Variants in MEI4 observed in about 807,000 individuals in gnomAD.
MEI4 encodes the protein meiotic double-stranded break formation protein 4.
MEI4 carries 27 observed loss-of-function variants against 31.4 expected under a neutral mutation model. That is an observed-to-expected ratio of 0.86 (90% CI 0.63 to 1.19). The LOEUF is 1.19. MEI4 is among the 50% of genes most tolerant of loss of function. MEI4 has a pLI of 0.00. For missense variants in MEI4, 329 were observed against 398.9 expected (o/e 0.82, Z 1.49); for synonymous variants, 122 against 145.4 (o/e 0.84, Z 1.16).
intron 2 of MEI4, among the ~76,000 whole-genome samples, chr6:77,695,480 A>G (rs1217354922): frequency 1.3e-5 from 2 of 152,166 alleles, no homozygotes; most frequent in Non-Finnish European, 2.9e-5. Context: ...CTTTCTACAT[A>G]TGGCTAGCCA....
chr6:77,890,927 T>C (rs112944665), intron 4 of MEI4, among the ~76,000 whole-genome samples: 125 of 152,344 alleles, frequency 8.2e-4, no homozygotes, highest in African/African-American at 2.9e-3. Context: ...ACCATGATTG[T>C]AAGTTTTCTG....
At chr6:77,857,018 T>C (rs1431773874) in intron 4 of MEI4, among the ~76,000 whole-genome samples, 2 of 152,252 alleles carry the variant, frequency 1.3e-5, no homozygotes, top group African/African-American at 4.8e-5. Flanking sequence ...TTTGTATGTC[T>C]GTGTGTATTC....
At chr6:77,658,417 A>C (rs1768439099) in intron 1 of MEI4, among the ~76,000 whole-genome samples, 1 of 152,296 alleles carries the variant, frequency 6.6e-6, no homozygotes, top group Middle Eastern at 3.4e-3. Flanking sequence ...TATACGTGCA[A>C]GTCACAGGGG....
intron 4 of MEI4, among the ~76,000 whole-genome samples, chr6:77,859,096 C>A (rs1265827980): frequency 6.6e-6 from 1 of 152,070 alleles, no homozygotes; most frequent in African/African-American, 2.4e-5. Flanking sequence ...TTGTTCAAGT[C>A]CCACTTAGAG....
chr6:77,733,218 G>C (rs1315064033), intron 2 of MEI4, among the ~76,000 whole-genome samples: 1 of 151,894 alleles, frequency 6.6e-6, no homozygotes, highest in Non-Finnish European at 1.5e-5. Context: ...GCTCCTCCTA[G>C]TACCTCTGGT....
At chr6:77,754,654 A>T (rs574632312) in intron 2 of MEI4, among the ~76,000 whole-genome samples, 2 of 152,206 alleles carry the variant, frequency 1.3e-5, no homozygotes, top group African/African-American at 4.8e-5. Flanking sequence ...TCACTCTGCT[A>T]TAAAGAACTT....
intron 4 of MEI4, among the ~76,000 whole-genome samples, chr6:77,864,064 A>C (rs928139223): frequency 6.6e-6 from 1 of 152,052 alleles, no homozygotes; most frequent in Non-Finnish European, 1.5e-5. Flanking sequence ...CTGCCCTAAA[A>C]GAGCTCCTGA....
At chr6:77,732,063 A>T (rs1280182063) in intron 2 of MEI4, among the ~76,000 whole-genome samples, 1 of 150,248 alleles carries the variant, frequency 6.7e-6, no homozygotes, top group Non-Finnish European at 1.5e-5. Context: ...AGGTAGTGTG[A>T]TGCCTCCAGC....
At chr6:77,753,582 A>G (rs1238657278) in intron 2 of MEI4, among the ~76,000 whole-genome samples, 1 of 152,224 alleles carries the variant, frequency 6.6e-6, no homozygotes, top group Non-Finnish European at 1.5e-5. Context: ...AATGGCAATC[A>G]TTAAAAAGTC....
At chr6:77,699,884 CAGAACAGCGGTGGCTGT>C (rs531205312) in intron 2 of MEI4, among the ~76,000 whole-genome samples, 4 of 151,992 alleles carry the variant, frequency 2.6e-5, no homozygotes, top group African/African-American at 9.7e-5. Context: ...GCAGTGGCTG[CAGAACAGCGGTGGCTGT>C]AGAACAGCGG....
intron 1 of MEI4, among the ~76,000 whole-genome samples, chr6:77,658,809 C>T (rs12176491): frequency 0.071 from 10,814 of 151,936 alleles, 490 homozygotes; most frequent in African/African-American, 0.13. Flanking sequence ...TTGGGAGGAC[C>T]CAGGACATCC....
chr6:77,666,042 T>C (rs559753494), intron 1 of MEI4, among the ~76,000 whole-genome samples: 3 of 152,194 alleles, frequency 2.0e-5, no homozygotes, highest in Non-Finnish European at 4.4e-5. Context: ...AGGCTTTGTG[T>C]GAGCAATAAA....
In MEI4 at chr6:77,820,318, G is replaced by T. The variant is rs1308515921; in HGVS notation, c.769-8613G>T. Among the ~76,000 whole-genome samples the T allele has an allele frequency of 6.6e-6, 1 of 151,968 alleles. No homozygotes were observed. Among genetic ancestry groups the T allele is most frequent in the African/African-American group, 2.4e-5 (1 of 41,376 alleles). On this transcript the variant is annotated intron_variant, in intron 3 of 4. Coordinates refer to ENST00000684080, the MANE Select transcript of MEI4 (RefSeq NM_001322247.2). This position sits in a 1 kb window ranked among gnomAD's most constrained non-coding sequence, Gnocchi z 4.5. ...GGCTGGAGGGCAATAGCGCGATCTT[G>T]GCTCACTTTGGCTCACTGCTGCAGC...
intron 2 of MEI4, among the ~76,000 whole-genome samples, chr6:77,697,667 G>A (rs1208013544): frequency 6.6e-6 from 1 of 152,140 alleles, no homozygotes; most frequent in African/African-American, 2.4e-5. Flanking sequence ...TACATTTGCT[G>A]AGGAGAGCTT....
At chr6:77,869,466 A>T (rs1443177370) in intron 4 of MEI4, among the ~76,000 whole-genome samples, 1 of 152,114 alleles carries the variant, frequency 6.6e-6, no homozygotes, top group Admixed American at 6.6e-5. Flanking sequence ...AAATTTGTAC[A>T]CAGAAAGAAA....
intron 1 of MEI4, among the ~76,000 whole-genome samples, chr6:77,671,786 G>T (rs1768746422): frequency 6.6e-6 from 1 of 152,142 alleles, no homozygotes; most frequent in South Asian, 2.1e-4. Context: ...GGCAGGGGAG[G>T]CAGAAATTCA....
chr6:77,652,296 T>G (rs1768312538), upstream of MEI4, among the ~76,000 whole-genome samples: 1 of 152,206 alleles, frequency 6.6e-6, no homozygotes, highest in Non-Finnish European at 1.5e-5. Context: ...GGAGTAAGGC[T>G]GCTGAAGTCA....
intron 4 of MEI4, among the ~76,000 whole-genome samples, chr6:77,909,130 G>T (rs1766370320): frequency 6.6e-6 from 1 of 152,000 alleles, no homozygotes; most frequent in Non-Finnish European, 1.5e-5. Context: ...AAATGTAAAA[G>T]AACAGAAATT....
rs529965070 is a variant in MEI4 at position 77,867,529 on chromosome 6, T to A, written c.900+38467T>A. On this transcript the variant is annotated intron_variant, in intron 4 of 4. Transcript: ENST00000684080. ...AAACCACAATGAGATACCACCTCACTCCAGTTAGAATGGCAATCATTAAGA... is the reference window on the plus strand; with the variant it reads ...AAACCACAATGAGATACCACCTCACACCAGTTAGAATGGCAATCATTAAGA... Among the ~76,000 whole-genome samples, 5 of 152,196 alleles carry A rather than the reference T, an allele frequency of 3.3e-5. No homozygotes were observed. The South Asian group carries it at 1.0e-3, about 32-fold the overall frequency.
Sources: allele counts gnomAD v4.1 joint callset (sites outside exome capture counted in the v4.1 genomes callset), GRCh38; gene constraint gnomAD v4.1.1; non-coding constraint Gnocchi (gnomAD v3.1); transcripts MANE v1.5; gene names NCBI Gene and HGNC (gene_info 2026-07-23, HGNC 2026-07-21).